The following OTP variants were observed in gnomAD, a reference collection of about 807,000 sequenced individuals.
OTP encodes the protein homeobox protein orthopedia.
OTP carries 5 observed loss-of-function variants against 22.3 expected under a neutral mutation model. The observed-to-expected ratio is 0.22, with a 90% CI of 0.12 to 0.47. The LOEUF (loss-of-function observed/expected upper bound fraction) is 0.47, where lower values mean the gene tolerates loss of function less well. Ranked by LOEUF, OTP falls within the 20% of genes least tolerant of loss-of-function variation. OTP has a pLI of 0.99. For synonymous variants in OTP, 229 were observed against 210.6 expected, an observed-to-expected ratio of 1.09 and a Z score of -0.76; for missense variants, 428 against 456.2, an observed-to-expected ratio of 0.94 and a Z score of 0.56.
At chr5:77,632,595 A>G (rs2112368574) in intron 2 of OTP, among the ~76,000 whole-genome samples, 1 of 152,250 alleles carries the variant, frequency 6.6e-6, no homozygotes, top group Non-Finnish European at 1.5e-5. Context: ...GACGCACTCT[A>G]CGCTTACCAG....
chr5:77,631,376 C>G (rs918310749), intron 2 of OTP, among the ~76,000 whole-genome samples: 2 of 152,012 alleles, frequency 1.3e-5, no homozygotes, highest in African/African-American at 4.8e-5. Context: ...GGAAAGTGAA[C>G]GCCACTGAGC....
At chr5:77,630,824 G>A in intron 2 of OTP, 30 bp from the exon 3 acceptor site, 1 of 1,505,896 alleles carries the variant, frequency 6.6e-7, no homozygotes. Flanking sequence ...AGACAGACAG[G>A]GAGCTATTAG....
intron 2 of OTP, among the ~76,000 whole-genome samples, chr5:77,633,336 A>C (rs1744957716): frequency 6.6e-6 from 1 of 152,174 alleles, no homozygotes; most frequent in Admixed American, 6.5e-5. Context: ...GATGGCTACA[A>C]ATTTTTTTAT....
At chr5:77,633,625 G>A (rs764179802) in intron 2 of OTP, among the ~76,000 whole-genome samples, 8 of 152,122 alleles carry the variant, frequency 5.3e-5, no homozygotes, top group South Asian at 2.1e-4. Flanking sequence ...ATCTAATGGA[G>A]GTTGGAATCT....
intron 2 of OTP, 141 bp downstream of exon 2, chr5:77,636,680 G>GGA (rs1745012287): frequency 1.3e-6 from 1 of 770,396 alleles, no homozygotes; most frequent in South Asian, 1.9e-5. Flanking sequence ...GGGTAGAGAA[G>GGA]GAGATAACTC....
At chr5:77,633,887 C>A (rs1744965878) in intron 2 of OTP, among the ~76,000 whole-genome samples, 1 of 152,152 alleles carries the variant, frequency 6.6e-6, no homozygotes, top group Admixed American at 6.5e-5. Context: ...GCCTAGATCT[C>A]AGGTTCATTT....
rs776639097 is a variant in OTP, at chr5:77,630,477, G to T, written c.765C>A (p.Ser255Arg). ...PPPNSMGLSN[S>R]LAGSNGAGLQ... ...GCCCCGCGCCGTTGGAACCCGCCAG[G>T]CTGTTGGACAGGCCCATGGAGTTGG... is the stretch of plus-strand genomic sequence containing the variant. The change falls in exon 3 of 3, where the codon AGC becomes AGA. Residue 255 changes from serine to arginine, a missense_variant. Ser to Arg is a moderately radical substitution (Grantham distance 110, BLOSUM62 -1). Around this residue, in one of 3 missense-constraint regions of OTP, gnomAD observed 236 missense variants for 238.1 expected, o/e 0.99. Coordinates refer to ENST00000306422, the MANE Select transcript of OTP (RefSeq NM_032109.3). 2.0e-4 allele frequency: 324 copies of T among 1,592,330 alleles called. No individual in the cohort carries two copies. The highest frequency in any genetic ancestry group is 2.6e-4 in the Non-Finnish European group (299 of 1,171,384).
intron 2 of OTP, among the ~76,000 whole-genome samples, chr5:77,633,890 G>T (rs1744965909): frequency 6.6e-6 from 1 of 152,128 alleles, no homozygotes; most frequent in African/African-American, 2.4e-5. Flanking sequence ...TAGATCTCAG[G>T]TTCATTTCGA....
In OTP at chr5:77,638,521, G is replaced by A. The variant is rs773279839; in HGVS notation, c.29C>T (p.Ala10Val). 5.7e-6 allele frequency: 9 copies of A among 1,577,124 alleles called. No homozygotes were observed. The highest frequency in any genetic ancestry group is 6.9e-6 in the Non-Finnish European group (8 of 1,162,256). The change falls in exon 1 of 3, where the codon GCC becomes GTC. Residue 10 changes from alanine (A) to valine (V), a missense_variant. Coordinates refer to ENST00000306422, the MANE Select transcript of OTP (RefSeq NM_032109.3). The part of the protein sequence containing the change: MLSHADLLD[A>V]RLGMKDAAEL... ...GAGAGGCGCGCACTCACCTAGCCTG[G>A]CGTCCAGGAGGTCGGCATGAGACAG...
intron 2 of OTP, 108 bp from the exon 3 acceptor site, chr5:77,630,902 C>T (rs1008184399): frequency 8.1e-7 from 1 of 1,237,452 alleles, no homozygotes; most frequent in East Asian, 2.7e-5. Context: ...CCGCTCTGCC[C>T]TGGGAGGAAC....
In OTP at chr5:77,629,129, C is replaced by T. The variant is rs915781732; in HGVS notation, c.*1135G>A. 1 of 152,636 alleles carries T rather than the reference C, an allele frequency of 6.6e-6. No homozygotes were observed. Among genetic ancestry groups the T allele is most frequent in the Admixed American group, 6.5e-5 (1 of 15,288 alleles). The allele number at this position is 152,636 out of a possible 1,614,324, so 9.5% of individuals were successfully genotyped here. A position where few individuals can be genotyped will look rare whatever the true frequency, so the allele number is the denominator to read the frequency against. On this transcript the variant is annotated 3_prime_UTR_variant, in exon 3 of 3. Transcript: ENST00000306422. Reference sequence around the variant, plus strand: ...CCAAGGGCACAGAGCAGCGAGAAGACAGAAACAGAAAAGGAAGCAAACAAA... The same window carrying T: ...CCAAGGGCACAGAGCAGCGAGAAGATAGAAACAGAAAAGGAAGCAAACAAA...
At chr5:77,636,191 C>T (rs530986866) in intron 2 of OTP, 23 of 152,308 alleles carry the variant, frequency 1.5e-4, no homozygotes, top group East Asian at 7.7e-4. Context: ...CGGGGCTCAC[C>T]GGCTTTGGGA....
chr5:77,631,562 T>TC (rs1744932024), intron 2 of OTP, among the ~76,000 whole-genome samples: 1 of 142,522 alleles, frequency 7.0e-6, no homozygotes, highest in South Asian at 2.5e-4. Context: ...TTTTTTTTTT[T>TC]TTTTTTTTTT....
Position 77,638,656 on chromosome 5 carries a change from C to A in OTP, c.-107G>T. ...CTATACGATATAGATATATATAGAT[C>A]ACCTAAATGAAAGAAAATTCGGTTT... On this transcript the variant is annotated 5_prime_UTR_variant, in exon 1 of 3. Transcript: ENST00000306422. 1 of 1,084,440 alleles carries A rather than the reference C, an allele frequency of 9.2e-7. No individual in the cohort carries two copies. 67.2% of individuals were successfully genotyped at this position (1,084,440 alleles called of 1,614,324 possible).
chr5:77,633,167 G>T (rs1411653270), intron 2 of OTP, among the ~76,000 whole-genome samples: 2 of 152,162 alleles, frequency 1.3e-5, no homozygotes, highest in Non-Finnish European at 2.9e-5. Context: ...GGGGAGGATT[G>T]CCCAGTAGAA....
chr5:77,638,535 G>A lies in OTP; in HGVS notation c.15C>T (p.Ala5=), dbSNP rs765344139. The part of the protein sequence containing the change: MLSH[A]DLLDARLGMK... Reference sequence around the variant, plus strand: ...CACCTAGCCTGGCGTCCAGGAGGTCGGCATGAGACAGCATCGCGCACCGCT... The same window carrying A: ...CACCTAGCCTGGCGTCCAGGAGGTCAGCATGAGACAGCATCGCGCACCGCT... Residue 5 remains alanine, a synonymous_variant, in exon 1 of 3, where the codon GCC becomes GCT. Coordinates refer to ENST00000306422, the MANE Select transcript of OTP (RefSeq NM_032109.3). The A allele has an allele frequency of 6.3e-7, 1 of 1,579,568 alleles. No individual in the cohort carries two copies. The highest frequency in any genetic ancestry group is 1.2e-5 in the South Asian group (1 of 84,568).
chr5:77,635,552 A>C (rs1414155766), intron 2 of OTP, among the ~76,000 whole-genome samples: 1 of 152,250 alleles, frequency 6.6e-6, no homozygotes, highest in Non-Finnish European at 1.5e-5. Flanking sequence ...TTCATTTGCT[A>C]TTAGAGCAGA....
chr5:77,631,050 G>A (rs1744922396), intron 2 of OTP, among the ~76,000 whole-genome samples: 1 of 152,240 alleles, frequency 6.6e-6, no homozygotes. Context: ...AAGAGTTTAC[G>A]CACTGTGCAA....
At chr5:77,630,919 C>G in intron 2 of OTP, 125 bp from the exon 3 acceptor site, 3 of 1,124,000 alleles carry the variant, frequency 2.7e-6, no homozygotes, top group Non-Finnish European at 3.6e-6. Flanking sequence ...GAACAAGTGC[C>G]GTAGGCCCGA....
Sources: allele counts gnomAD v4.1 joint callset (sites outside exome capture counted in the v4.1 genomes callset), GRCh38; gene constraint gnomAD v4.1.1; regional missense constraint gnomAD v4.1.1; transcripts MANE v1.5; gene names NCBI Gene and HGNC (gene_info 2026-07-23, HGNC 2026-07-21).